Variants in ZSCAN23 observed in about 807,000 individuals in gnomAD.
ZSCAN23 encodes zinc finger and SCAN domain-containing protein 23.
ZSCAN23 carries 19 observed loss-of-function variants against 19.3 expected under a neutral mutation model. The ratio of observed to expected loss-of-function variants is 0.99; its 90% CI spans 0.69 to 1.45. The LOEUF (loss-of-function observed/expected upper bound fraction) is 1.45. Among genes scored for constraint, ZSCAN23 ranks in the 40% most tolerant of loss-of-function variants. The pLI, the probability that ZSCAN23 is intolerant of heterozygous loss-of-function variation, is 0.00. For missense variants in ZSCAN23, 372 were observed against 462.5 expected (o/e 0.80, Z 1.79); for synonymous variants, 140 against 166.2 (o/e 0.84, Z 1.21).
the ZSCAN23 span, among the ~76,000 whole-genome samples, chr6:28,423,759 G>A: frequency 1.5e-3 from 224 of 152,286 alleles, 1 homozygote; most frequent in African/African-American, 5.3e-3. Flanking sequence ...GCAGCAGTGC[G>A]TATGCTTCAG....
chr6:28,435,156 A>C, intron 3 of ZSCAN23, 78 bp from the exon 4 acceptor site: 1 of 1,438,728 alleles, frequency 7.0e-7, no homozygotes. Flanking sequence ...AAAGAAAAAA[A>C]GTGGCCAGGA....
chr6:28,432,618 T>G (rs547159924), downstream of ZSCAN23: 5 of 152,284 alleles, frequency 3.3e-5, no homozygotes, highest in South Asian at 1.0e-3. Flanking sequence ...GGAATTTAAC[T>G]TGGACTAAAC....
Position 28,435,456 on chromosome 6 carries a change from T to C in ZSCAN23, c.556+4A>G. On this transcript the variant is annotated splice_donor_region_variant and intron_variant, in intron 3 of 3. Transcript: ENST00000289788. ...AGGCTGTCTGAGGAAATCCTGATCCTCACCAATCTCTTGAACTGGGCACAC... is the reference window on the plus strand; with the variant it reads ...AGGCTGTCTGAGGAAATCCTGATCCCCACCAATCTCTTGAACTGGGCACAC... 6.4e-7 allele frequency: 1 copy of C among 1,550,506 alleles called. No homozygotes were observed. The highest frequency in any genetic ancestry group is 1.4e-5 in the African/African-American group (1 of 73,066).
intron 1 of ZSCAN23, among the ~76,000 whole-genome samples, chr6:28,438,695 G>A (rs1383058727): frequency 6.6e-6 from 1 of 152,144 alleles, no homozygotes; most frequent in Non-Finnish European, 1.5e-5. Flanking sequence ...AGAACGCACT[G>A]TCACCAGAAT....
At chr6:28,437,875 T>C (rs1009481642) in intron 1 of ZSCAN23, among the ~76,000 whole-genome samples, 16 of 151,938 alleles carry the variant, frequency 1.1e-4, no homozygotes, top group Non-Finnish European at 1.3e-4. Context: ...TATAGTGACA[T>C]ACAATTATTT....
downstream of ZSCAN23, among the ~76,000 whole-genome samples, chr6:28,427,089 G>A (rs1030744483): frequency 6.6e-6 from 1 of 152,150 alleles, no homozygotes; most frequent in Middle Eastern, 3.2e-3. Context: ...CACCGCGCCT[G>A]GCCCAAAAGT....
intron 1 of ZSCAN23, among the ~76,000 whole-genome samples, chr6:28,438,690 G>A (rs1045496504): frequency 2.0e-5 from 3 of 152,110 alleles, no homozygotes; most frequent in Admixed American, 6.5e-5. Flanking sequence ...TCATGAGAAC[G>A]CACTGTCACC....
chr6:28,440,763 G>A (rs1162653201), intron 1 of ZSCAN23, among the ~76,000 whole-genome samples: 1 of 152,154 alleles, frequency 6.6e-6, no homozygotes, highest in East Asian at 1.9e-4. Flanking sequence ...GGGATGTGGT[G>A]TTTCAAATCT....
chr6:28,430,346 C>A (rs139625880), downstream of ZSCAN23, among the ~76,000 whole-genome samples: 2 of 152,100 alleles, frequency 1.3e-5, no homozygotes, highest in Non-Finnish European at 2.9e-5. Context: ...CTAGTCATGT[C>A]TCTCAGAAGA....
At chr6:28,436,711 A>G (rs544947003) in intron 1 of ZSCAN23, among the ~76,000 whole-genome samples, 149 of 152,324 alleles carry the variant, frequency 9.8e-4, no homozygotes, top group Admixed American at 2.5e-3. Context: ...ACCAAGAATC[A>G]AGAAGAAAAG....
At chr6:28,423,590 G>A in the ZSCAN23 span, among the ~76,000 whole-genome samples, 1 of 152,154 alleles carries the variant, frequency 6.6e-6, no homozygotes, top group African/African-American at 2.4e-5. Flanking sequence ...GACCCTTGAG[G>A]CCCAAGTAAA....
In ZSCAN23 at chr6:28,435,049, A is replaced by T; in HGVS notation, c.586T>A (p.Leu196Ile). Residue 196 changes from leucine to isoleucine, a missense_variant, in exon 4 of 4, where the codon TTA becomes ATA. Transcript: ENST00000289788. The stretch of plus-strand genomic sequence containing the variant: ...TGAGAAATCTCCCTCTTTGGGGCTA[A>T]CTCCACATTCCAAGTCCCAGCCTTG... Reference protein sequence around the residue: ...DGKAGTWNVELAPKREISQEV... With the variant: ...DGKAGTWNVEIAPKREISQEV... The T allele has an allele frequency of 6.5e-7, 1 of 1,549,168 alleles. No homozygotes were observed. Among genetic ancestry groups the T allele is most frequent in the Non-Finnish European group, 8.7e-7 (1 of 1,145,132 alleles).
chr6:28,442,270 C>T (rs928643135), intron 1 of ZSCAN23, among the ~76,000 whole-genome samples: 5 of 152,104 alleles, frequency 3.3e-5, no homozygotes, highest in Non-Finnish European at 5.9e-5. Context: ...ACTGCCTTGC[C>T]AACTTGTTGA....
intron 2 of ZSCAN23, 68 bp downstream of exon 2, chr6:28,435,791 T>C: frequency 1.4e-6 from 2 of 1,474,002 alleles, no homozygotes; most frequent in Admixed American, 5.4e-5. Context: ...TCCTCTACCT[T>C]TTCTTGTTGC....
chr6:28,428,417 A>T (rs188907562), downstream of ZSCAN23, among the ~76,000 whole-genome samples: 276 of 152,310 alleles, frequency 1.8e-3, 1 homozygote, highest in African/African-American at 5.9e-3. Flanking sequence ...CCCTGGCTAC[A>T]TTTATTTTAT....
Position 28,434,722 on chromosome 6 carries a change from A to G in ZSCAN23, c.913T>C (p.Tyr305His), listed in dbSNP as rs991700462. ...GCTTTGCCACAAACACTGCACTGGTAGCGCTTCTCCCCAGTGTGGAGTCTC... is the reference window on the plus strand; with the variant it reads ...GCTTTGCCACAAACACTGCACTGGTGGCGCTTCTCCCCAGTGTGGAGTCTC... ...HQRLHTGEKR[Y>H]QCSVCGKAFS... is the part of the protein sequence containing the mutation. Residue 305 changes from tyrosine to histidine, a missense_variant, in exon 4 of 4, where the codon TAC becomes CAC. Transcript: ENST00000289788. The G allele has an allele frequency of 1.3e-6, 2 of 1,597,992 alleles. No homozygotes were observed. The highest frequency in any genetic ancestry group is 1.7e-6 in the Non-Finnish European group (2 of 1,172,070).
the ZSCAN23 span, among the ~76,000 whole-genome samples, chr6:28,422,202 T>C: frequency 6.6e-6 from 1 of 152,046 alleles, no homozygotes; most frequent in African/African-American, 2.4e-5. This position sits in a 1 kb window ranked among gnomAD's most constrained non-coding sequence, Gnocchi z 4.0. Flanking sequence ...CTTTTATATA[T>C]GCTTAAACTT....
At chr6:28,435,101 GAT>G (rs1247573375) in intron 3 of ZSCAN23, 23 bp from the exon 4 acceptor site, 1 of 1,495,852 alleles carries the variant, frequency 6.7e-7, no homozygotes, top group Non-Finnish European at 8.9e-7. Context: ...TAACATGAAA[GAT>G]AACATGAAGT....
chr6:28,440,573 C>T lies in ZSCAN23; in HGVS notation c.-78+2826G>A, dbSNP rs185566891. On this transcript the variant is annotated intron_variant, in intron 1 of 3. Transcript: ENST00000289788. ...ATGTACTCTCACATTACTCAATAAA[C>T]GTACCATGGATTCAAAGGATGAAAC... Among the ~76,000 whole-genome samples the T allele has an allele frequency of 4.6e-5, 7 of 152,216 alleles. No homozygotes were observed. The East Asian group carries it at 5.8e-4, about 13-fold the overall frequency.
Sources: allele counts gnomAD v4.1 joint callset (sites outside exome capture counted in the v4.1 genomes callset), GRCh38; gene constraint gnomAD v4.1.1; non-coding constraint Gnocchi (gnomAD v3.1); transcripts MANE v1.5; gene names NCBI Gene and HGNC (gene_info 2026-07-23, HGNC 2026-07-21).